MIGA1: variants seen among roughly 807,000 people sequenced by gnomAD.
MIGA1 encodes the protein mitoguardin 1, also known as family with sequence similarity 73, member A.
In MIGA1, 58 loss-of-function variants were observed where a neutral mutation model predicts 82.0. The ratio of observed to expected loss-of-function variants is 0.71; its 90% confidence interval spans 0.57 to 0.88. The LOEUF is 0.88. MIGA1 is among the 40% of genes least tolerant of loss of function. The pLI is 0.00. For missense variants in MIGA1, 751 were observed against 749.1 expected, an observed-to-expected ratio of 1.00 and a Z score of -0.03; for synonymous variants, 249 against 253.6, an observed-to-expected ratio of 0.98 and a Z score of 0.17.
chr1:77,855,433 T>C (rs1685213125), intron 8 of MIGA1, among the ~76,000 whole-genome samples: 1 of 152,152 alleles, frequency 6.6e-6, no homozygotes, highest in African/African-American at 2.4e-5. Flanking sequence ...TGAAGAATGA[T>C]GGTGGTATTC....
intron 5 of MIGA1, among the ~76,000 whole-genome samples, chr1:77,807,972 C>T (rs1683167911): frequency 6.6e-6 from 1 of 152,020 alleles, no homozygotes; most frequent in South Asian, 2.1e-4. Flanking sequence ...GTGTGCATCA[C>T]CACCCCTGGC....
chr1:77,813,724 T>C lies in MIGA1; in HGVS notation c.638-10T>C. ...TGCTCAGTTAAAATTGTTCTGTTCT[T>C]AATTTTTAGGTATGGAATTGTTTGA... On this transcript the variant is annotated splice_polypyrimidine_tract_variant and intron_variant, in intron 5 of 15. Coordinates refer to ENST00000370791, the MANE Select transcript of MIGA1 (RefSeq NM_198549.4). 2 of 1,613,044 alleles carry C rather than the reference T, an allele frequency of 1.2e-6. No individual in the cohort carries two copies. Among genetic ancestry groups the C allele is most frequent in the Admixed American group, 1.7e-5 (1 of 59,738 alleles).
chr1:77,799,861 A>G (rs905220888), intron 2 of MIGA1, among the ~76,000 whole-genome samples: 9 of 151,766 alleles, frequency 5.9e-5, no homozygotes, highest in Non-Finnish European at 1.2e-4. Flanking sequence ...CTTCCAAAAA[A>G]AAAAACCAGC....
intron 15 of MIGA1, 69 bp from the exon 16 acceptor site, chr1:77,874,777 A>C (rs1646880984): frequency 9.3e-7 from 1 of 1,078,020 alleles, no homozygotes; most frequent in African/African-American, 1.6e-5. Context: ...TGCTCATTAT[A>C]ATATTAGAAG....
At chr1:77,796,595 T>G (rs538583997) in intron 2 of MIGA1, among the ~76,000 whole-genome samples, 3 of 152,270 alleles carry the variant, frequency 2.0e-5, no homozygotes, top group South Asian at 2.1e-4. Context: ...GCCCCAGTAC[T>G]CCTTTGAGAA....
chr1:77,822,750 C>T lies in MIGA1; in HGVS notation c.895+7519C>T, dbSNP rs189457600. Among the ~76,000 whole-genome samples, 649 of 150,698 alleles carry T rather than the reference C, an allele frequency of 4.3e-3. 5 individuals are homozygous for T. Among genetic ancestry groups the T allele is most frequent in the Non-Finnish European group, 6.6e-3 (449 of 67,790 alleles). On this transcript the variant is annotated intron_variant, in intron 7 of 15. Coordinates refer to ENST00000370791, the MANE Select transcript of MIGA1 (RefSeq NM_198549.4). The stretch of plus-strand genomic sequence containing the variant: ...TTAAATAAGGATTCTACTTATTATA[C>T]ATTTGTACTATTTATAGAAGAGTAG...
chr1:77,818,852 G>A (rs1429531473), intron 7 of MIGA1, among the ~76,000 whole-genome samples: 4 of 151,996 alleles, frequency 2.6e-5, no homozygotes, highest in Admixed American at 2.6e-4. Flanking sequence ...GGCTGAGGTG[G>A]GTGAATCACC....
intron 11 of MIGA1, 43 bp from the exon 12 acceptor site, chr1:77,861,181 T>C (rs765840244): frequency 8.2e-7 from 1 of 1,222,712 alleles, no homozygotes; most frequent in Admixed American, 1.8e-5. Context: ...TTGTAGCTTG[T>C]TATAAAGTTG....
intron 14 of MIGA1, among the ~76,000 whole-genome samples, chr1:77,869,740 C>CA (rs1157811204): frequency 9.3e-6 from 1 of 107,806 alleles, no homozygotes; most frequent in South Asian, 3.4e-4. Flanking sequence ...GCTGGCCGAC[C>CA]CCCCCCCCGC....
At chr1:77,821,537 A>G (rs1683808320) in intron 7 of MIGA1, among the ~76,000 whole-genome samples, 1 of 151,936 alleles carries the variant, frequency 6.6e-6, no homozygotes, top group African/African-American at 2.4e-5. Flanking sequence ...TTGGGATTAC[A>G]GGCATGCACC....
chr1:77,867,364 A>C (rs1038630307), intron 14 of MIGA1, among the ~76,000 whole-genome samples: 5 of 152,132 alleles, frequency 3.3e-5, no homozygotes, highest in Admixed American at 2.0e-4. Flanking sequence ...TTGCTCTGTC[A>C]TTCAGGCTGG....
rs1646884328 is a variant in MIGA1 at position 77,875,112 on chromosome 1, G to A, written c.*48G>A. 2.1e-6 allele frequency: 3 copies of A among 1,428,118 alleles called. No individual in the cohort carries two copies. In the African/African-American group the frequency reaches 4.3e-5, roughly 20 times the overall value. 88.5% of individuals were successfully genotyped at this position (1,428,118 alleles called of 1,614,324 possible). On this transcript the variant is annotated 3_prime_UTR_variant, in exon 16 of 16. Coordinates refer to ENST00000370791, the MANE Select transcript of MIGA1 (RefSeq NM_198549.4). ...TGAGTGTGCTATGAAATATTTTAAG[G>A]TAACTATTGATTTTGTAACATATAT...
intron 14 of MIGA1, among the ~76,000 whole-genome samples, chr1:77,869,886 CG>C (rs1557939434): frequency 8.4e-6 from 1 of 118,606 alleles, no homozygotes; most frequent in Non-Finnish European, 1.8e-5. Context: ...ACCTCCCTCC[CG>C]GACGGGGCGG....
At chr1:77,789,186 T>A (rs1682301363) in intron 2 of MIGA1, among the ~76,000 whole-genome samples, 1 of 150,496 alleles carries the variant, frequency 6.6e-6, no homozygotes, top group South Asian at 2.1e-4. Context: ...TAAATGGAAT[T>A]GTGGGGGGCG....
intron 8 of MIGA1, chr1:77,847,910 A>G: frequency 6.7e-7 from 1 of 1,488,806 alleles, no homozygotes; most frequent in Non-Finnish European, 9.3e-7. Flanking sequence ...AGGATGATGA[A>G]ATAAAGAAAC....
chr1:77,859,148 GTT>G, intron 9 of MIGA1, 92 bp downstream of exon 9: 1 of 1,010,212 alleles, frequency 9.9e-7, no homozygotes, highest in Non-Finnish European at 1.5e-6. Context: ...GAGAAAATAT[GTT>G]TTTAGGTCCA....
At chr1:77,866,889 A>G (rs1685692607) in intron 14 of MIGA1, among the ~76,000 whole-genome samples, 1 of 152,012 alleles carries the variant, frequency 6.6e-6, no homozygotes, top group Admixed American at 6.6e-5. Flanking sequence ...CATGTTGGCC[A>G]GGCTGGTCTC....
At chr1:77,786,124 A>G (rs1017603902) in intron 2 of MIGA1, among the ~76,000 whole-genome samples, 1 of 152,238 alleles carries the variant, frequency 6.6e-6, no homozygotes, top group East Asian at 1.9e-4. Context: ...GGAAGTTGCT[A>G]AGGCTTGTGG....
At chr1:77,804,117 A>G (rs1192974943) in intron 4 of MIGA1, among the ~76,000 whole-genome samples, 3 of 152,202 alleles carry the variant, frequency 2.0e-5, no homozygotes, top group Non-Finnish European at 4.4e-5. Flanking sequence ...GCTGTTCTTC[A>G]AGAAGCTGGA....
Sources: allele counts gnomAD v4.1 joint callset (sites outside exome capture counted in the v4.1 genomes callset), GRCh38; gene constraint gnomAD v4.1.1; transcripts MANE v1.5; gene names NCBI Gene and HGNC (gene_info 2026-07-23, HGNC 2026-07-21).